Variants in SEC24B observed in about 807,000 individuals in gnomAD.
The protein encoded by SEC24B is protein transport protein Sec24B.
A neutral mutation model predicts 142.8 loss-of-function variants in SEC24B; 45 were observed. That is an observed-to-expected ratio of 0.32 (90% CI 0.25 to 0.40). The LOEUF (loss-of-function observed/expected upper bound fraction) is 0.40. SEC24B is among the 10% of genes least tolerant of loss of function. The pLI is 1.00. For missense variants in SEC24B, 1,409 were observed against 1,526.8 expected, an observed-to-expected ratio of 0.92 and a Z score of 1.29; for synonymous variants, 574 against 568.2, an observed-to-expected ratio of 1.01 and a Z score of -0.15.
At position 109,433,821 on chromosome 4, in the gene SEC24B, C is replaced by T. The variant is rs761836747; in HGVS notation, c.-49C>T. On this transcript the variant is annotated 5_prime_UTR_variant, in exon 1 of 24. Transcript: ENST00000265175. The stretch of plus-strand genomic sequence containing the variant: ...TCCTCTCCGGCCCCGCCTTCCCTTC[C>T]CTCCGCCCACCTCCCTGAAGCGGAG... 2 of 1,232,798 alleles carry T rather than the reference C, an allele frequency of 1.6e-6. No homozygotes were observed. Among genetic ancestry groups the T allele is most frequent in the Non-Finnish European group, 2.0e-6 (2 of 984,926 alleles). The allele number at this position is 1,232,798 out of a possible 1,614,324, so 76.4% of individuals were successfully genotyped here. A position where few individuals can be genotyped will look rare whatever the true frequency, so the allele number is the denominator to read the frequency against.
At chr4:109,445,967 C>CTTTTTTTTTTTTTTTTTTTATTTTTT (rs34601695) in intron 1 of SEC24B, among the ~76,000 whole-genome samples, 1 of 130,942 alleles carries the variant, frequency 7.6e-6, no homozygotes. Flanking sequence ...TTCTAAGATG[C>CTTTTTTTTTTTTTTTTTTTATTTTTT]TTTTTTTTTT....
intron 7 of SEC24B, among the ~76,000 whole-genome samples, chr4:109,507,172 A>G (rs1412429401): frequency 6.6e-6 from 1 of 151,904 alleles, no homozygotes; most frequent in Non-Finnish European, 1.5e-5. Context: ...TGAATAGGAT[A>G]TCCCCCTGGT....
rs759547349 is a variant in SEC24B at position 109,526,265 on chromosome 4, G to A, written c.2831G>A (p.Arg944His). The A allele has an allele frequency of 2.5e-6, 4 of 1,613,636 alleles. No individual in the cohort carries two copies. The highest frequency in any genetic ancestry group is 1.7e-4 in the Middle Eastern group (1 of 6,058). The change falls in exon 17 of 24, where the codon CGT becomes CAT. Residue 944 changes from arginine (R) to histidine (H), a missense_variant. Physicochemically the swap from Arg to His is conservative, Grantham distance 29. Coordinates refer to ENST00000265175, the MANE Select transcript of SEC24B (RefSeq NM_006323.5). ...MHTFHGNFFV[R>H]STDLLSLANI... ...ACTTTTCACGGTAACTTCTTTGTCC[G>A]TTCTACTGATTTGTTATCCCTTGCC...
At chr4:109,481,192 T>C (rs570107730) in intron 3 of SEC24B, among the ~76,000 whole-genome samples, 44 of 152,266 alleles carry the variant, frequency 2.9e-4, no homozygotes, top group African/African-American at 9.9e-4. Context: ...GTGATTCTTC[T>C]TCTGTTATGG....
chr4:109,520,968 G>C, intron 12 of SEC24B, 149 bp from the exon 13 acceptor site: 1 of 541,070 alleles, frequency 1.8e-6, no homozygotes, highest in Non-Finnish European at 3.3e-6. Context: ...CTCCAGCCTG[G>C]GCAACAAGAG....
At chr4:109,535,680 C>G (rs868827322) in intron 22 of SEC24B, among the ~76,000 whole-genome samples, 112 of 152,078 alleles carry the variant, frequency 7.4e-4, no homozygotes, top group African/African-American at 2.6e-3. Context: ...AACCTTGTCT[C>G]TACTAAAAAT....
In SEC24B at chr4:109,433,879, C is replaced by T. The variant is rs1344398082; in HGVS notation, c.10C>T (p.Pro4Ser). 2.2e-6 allele frequency: 3 copies of T among 1,339,838 alleles called. No homozygotes were observed. Among genetic ancestry groups the T allele is most frequent in the Admixed American group, 3.1e-5 (1 of 32,048 alleles). The allele number at this position is 1,339,838 out of a possible 1,614,324, so 83.0% of individuals were successfully genotyped here. Residue 4 changes from proline to serine, a missense_variant, in exon 1 of 24, where the codon CCC becomes TCC. Coordinates refer to ENST00000265175, the MANE Select transcript of SEC24B (RefSeq NM_006323.5). ...CGCCACCAGCGCCGTCATGTCGGCC[C>T]CCGCCGGGTCCTCTCACCCGGCCGC... MSA[P>S]AGSSHPAASA...
At chr4:109,477,215 G>C (rs1733268896) in intron 3 of SEC24B, among the ~76,000 whole-genome samples, 2 of 149,774 alleles carry the variant, frequency 1.3e-5, no homozygotes. Context: ...CACACCTTTT[G>C]CCTTCAAACT....
chr4:109,505,663 A>G (rs1464012085), intron 6 of SEC24B, among the ~76,000 whole-genome samples: 1 of 152,210 alleles, frequency 6.6e-6, no homozygotes, highest in Non-Finnish European at 1.5e-5. Flanking sequence ...TTTAGATATC[A>G]TCTCTACTTA....
In SEC24B at chr4:109,538,483, CT is replaced by C. The variant is rs763681235; in HGVS notation, c.3589-6del. 5.7e-6 allele frequency: 9 copies of C among 1,584,708 alleles called. No individual in the cohort carries two copies. In the African/African-American group the frequency reaches 1.1e-4, roughly 19 times the overall value. ...AAAGGAAAGTTTCCTAATTGTATTT[CT>C]TTTACCAGACACATCTTCCAGAGCT... On this transcript the variant is annotated splice_polypyrimidine_tract_variant and intron_variant, in intron 22 of 23. Coordinates refer to ENST00000265175, the MANE Select transcript of SEC24B (RefSeq NM_006323.5).
intron 18 of SEC24B, among the ~76,000 whole-genome samples, chr4:109,529,228 G>A (rs769023590): frequency 6.6e-6 from 1 of 152,002 alleles, no homozygotes; most frequent in African/African-American, 2.4e-5. Context: ...AAAATCAAAA[G>A]CTTGTATATC....
At chr4:109,526,677 T>C (rs1292894119) in intron 17 of SEC24B, among the ~76,000 whole-genome samples, 5 of 152,226 alleles carry the variant, frequency 3.3e-5, no homozygotes, top group Admixed American at 3.3e-4. Flanking sequence ...TTTGTATTAT[T>C]TCTTGCCCCA....
rs1282733967 is a variant in SEC24B, at chr4:109,532,677, A to G, written c.3429A>G (p.Pro1143=). The change falls in exon 21 of 24, where the codon CCA becomes CCG. Residue 1143 remains proline, a synonymous_variant. Coordinates refer to ENST00000265175, the MANE Select transcript of SEC24B (RefSeq NM_006323.5). Reference sequence around the variant, plus strand: ...TTAATGACAGGATTGTACCACAGCCACCTCTTCAAAAATTGTCTGCAGAGA... The same window carrying G: ...TTAATGACAGGATTGTACCACAGCCGCCTCTTCAAAAATTGTCTGCAGAGA... ...VHVNDRIVPQ[P]PLQKLSAEKL... The G allele has an allele frequency of 6.2e-7, 1 of 1,613,742 alleles. No individual in the cohort carries two copies. The highest frequency in any genetic ancestry group is 8.5e-7 in the Non-Finnish European group (1 of 1,179,656).
At chr4:109,447,420 C>T (rs969759572) in intron 1 of SEC24B, among the ~76,000 whole-genome samples, 6 of 152,218 alleles carry the variant, frequency 3.9e-5, no homozygotes, top group African/African-American at 1.4e-4. Flanking sequence ...GTAAAACTGT[C>T]TTCTGCCCTG....
At position 109,463,241 on chromosome 4, in the gene SEC24B, C is replaced by T; in HGVS notation, c.474C>T (p.His158=). ...ASQPYSSFVN[H]YNSPAMYSAS... ...AACCATACTCCTCTTTTGTGAATCACTACAATAGTCCAGCCATGTACTCTG... is the reference window on the plus strand; with the variant it reads ...AACCATACTCCTCTTTTGTGAATCATTACAATAGTCCAGCCATGTACTCTG... Residue 158 remains histidine (H), a synonymous_variant, in exon 2 of 24, where the codon CAC becomes CAT. Coordinates refer to ENST00000265175, the MANE Select transcript of SEC24B (RefSeq NM_006323.5). The T allele has an allele frequency of 6.2e-7, 1 of 1,614,174 alleles. No individual in the cohort carries two copies.
At chr4:109,529,811 G>A (rs1724694974) in intron 18 of SEC24B, among the ~76,000 whole-genome samples, 1 of 152,178 alleles carries the variant, frequency 6.6e-6, no homozygotes, top group Non-Finnish European at 1.5e-5. Context: ...ACAGGTTACT[G>A]CAGCTTCGAC....
At chr4:109,480,730 T>C (rs1733654118) in intron 3 of SEC24B, among the ~76,000 whole-genome samples, 1 of 152,128 alleles carries the variant, frequency 6.6e-6, no homozygotes, top group African/African-American at 2.4e-5. Context: ...CCTCCCACCT[T>C]GGCCTCCCAA....
At position 109,483,007 on chromosome 4, in the gene SEC24B, T is replaced by G. The variant is rs1209671159; in HGVS notation, c.1165+1226T>G. Among the ~76,000 whole-genome samples the G allele has an allele frequency of 2.1e-5, 2 of 93,142 alleles. 1 individual carries two copies. The highest frequency in any genetic ancestry group is 4.1e-5 in the Non-Finnish European group (2 of 48,444). 61.1% of individuals were successfully genotyped at this position (93,142 alleles called of 152,430 possible). ...ACACACACACACACACACACACATA[T>G]TATACATATGTTTTTTATATATGTA... On this transcript the variant is annotated intron_variant, in intron 4 of 23. Coordinates refer to ENST00000265175, the MANE Select transcript of SEC24B (RefSeq NM_006323.5).
intron 13 of SEC24B, 112 bp from the exon 14 acceptor site, chr4:109,521,308 C>T: frequency 2.0e-6 from 2 of 1,023,664 alleles, no homozygotes; most frequent in Non-Finnish European, 2.9e-6. Context: ...ATTGACTCCT[C>T]AGTTTCCAGT....
Sources: gnomAD v4.1 joint callset for allele counts (sites outside exome capture counted in the v4.1 genomes callset) on GRCh38, gnomAD v4.1.1 for gene constraint, MANE v1.5 for transcripts, NCBI Gene and HGNC (gene_info 2026-07-23, HGNC 2026-07-21) for gene names.